ARMC6: variants seen among roughly 807,000 people sequenced by gnomAD.
ARMC6 encodes the protein armadillo repeat containing 6.
A neutral mutation model predicts 49.2 loss-of-function variants in ARMC6; 43 were observed. The observed-to-expected ratio is 0.87, with a 90% CI of 0.69 to 1.13. The LOEUF is 1.13. Ranked by LOEUF, ARMC6 falls within the 50% of genes most tolerant of loss-of-function variation. ARMC6 has a pLI of 0.00. For synonymous variants in ARMC6, 262 were observed against 289.6 expected (o/e 0.90, Z 0.97); for missense variants, 627 against 682.0 (o/e 0.92, Z 0.90).
chr19:19,036,470 C>A (rs565562038), intron 2 of ARMC6, among the ~76,000 whole-genome samples: 2 of 152,228 alleles, frequency 1.3e-5, no homozygotes, highest in Admixed American at 6.5e-5. Context: ...TGTCAATTTA[C>A]ATTGCCAGGG....
rs11270900 is a variant in ARMC6, at chr19:19,045,493, C to CTTTTT, written c.279+1426_279+1430dup. 5.9e-4 allele frequency among the ~76,000 whole-genome samples: 53 copies of CTTTTT among 89,128 alleles called. 16 individuals carry two copies. The East Asian group carries it at 0.014, about 23-fold the overall frequency. 58.5% of individuals were successfully genotyped at this position (89,128 alleles called of 152,430 possible). ...TAAGTGCTCAGCATTATGCTAAATT[C>CTTTTT]TTTTTTTTTTTGAGACAAGAGTCTC... is the stretch of plus-strand genomic sequence containing the variant. On this transcript the variant is annotated intron_variant, in intron 4 of 8. Transcript: ENST00000535612.
At chr19:19,050,513 G>T (rs1443220790) in intron 4 of ARMC6, among the ~76,000 whole-genome samples, 3 of 152,172 alleles carry the variant, frequency 2.0e-5, no homozygotes, top group Non-Finnish European at 4.4e-5. Flanking sequence ...ACCACGCCTG[G>T]CTTCTCTGTA....
chr19:19,057,681 G>A lies in ARMC6; in HGVS notation c.*53G>A, dbSNP rs750273186. On this transcript the variant is annotated 3_prime_UTR_variant, in exon 9 of 9. Transcript: ENST00000535612. ...TGGGTGAGTCGTGTGACTCAGGAAT[G>A]GGGGTAGATCCATGTCCTCCACTGT... is the stretch of plus-strand genomic sequence containing the variant. 2.2e-5 allele frequency: 34 copies of A among 1,547,212 alleles called. No homozygotes were observed. In the East Asian group the frequency reaches 7.2e-4, roughly 33 times the overall value.
chr19:19,050,403 A>T (rs2059486142), intron 4 of ARMC6, among the ~76,000 whole-genome samples: 1 of 152,136 alleles, frequency 6.6e-6, no homozygotes, highest in Admixed American at 6.6e-5. Flanking sequence ...CTTTTTTGAG[A>T]TGAATGCTCC....
At position 19,052,169 on chromosome 19, in the gene ARMC6, T is replaced by C. The variant is rs747198493; in HGVS notation, c.827T>C (p.Leu276Ser). 1 of 1,609,040 alleles carries C rather than the reference T, an allele frequency of 6.2e-7. No individual in the cohort carries two copies. The highest frequency in any genetic ancestry group is 2.2e-5 in the East Asian group (1 of 44,848). The part of the protein sequence containing the change: ...AKMIVQENKG[L>S]KVLIEATKAF... ...ATGATTGTGCAGGAGAACAAAGGCT[T>C]GAAGGTGCTCATCGAAGCCACCAAA... Residue 276 changes from leucine (L) to serine (S), a missense_variant, in exon 5 of 9, where the codon TTG becomes TCG. Physicochemically the swap from Leu to Ser is moderately radical, Grantham distance 145 (BLOSUM62 -2). Transcript: ENST00000535612.
intron 2 of ARMC6, chr19:19,039,334 A>T: frequency 2.2e-6 from 1 of 452,334 alleles, no homozygotes; most frequent in Middle Eastern, 3.3e-4. Flanking sequence ...ACGGGGCCTT[A>T]CTATGTTGTC....
chr19:19,055,510 G>T lies in ARMC6; in HGVS notation c.1155+114G>T. On this transcript the variant is annotated intron_variant, in intron 7 of 8. Transcript: ENST00000535612. This position sits in a 1 kb window ranked among gnomAD's most constrained non-coding sequence, Gnocchi z 5.7. The stretch of plus-strand genomic sequence containing the variant: ...GCAGGGCCAGGGCAGGGCTGGTGAG[G>T]GTCGTGGGCATTGGCTCTCAAATGC... 2 of 1,432,602 alleles carry T rather than the reference G, an allele frequency of 1.4e-6. No individual in the cohort carries two copies. Among genetic ancestry groups the T allele is most frequent in the African/African-American group, 1.4e-5 (1 of 69,792 alleles). 88.7% of individuals were successfully genotyped at this position (1,432,602 alleles called of 1,614,324 possible).
Position 19,055,046 on chromosome 19 carries a change from G to A in ARMC6, c.1024-219G>A, listed in dbSNP as rs982755564. Among the ~76,000 whole-genome samples, 2 of 152,174 alleles carry A rather than the reference G, an allele frequency of 1.3e-5. No homozygotes were observed. The highest frequency in any genetic ancestry group is 2.1e-4 in the South Asian group (1 of 4,828). ...AGGCCGGCCTGAGTCACATGCCCCC[G>A]CTGCCCCTGTCGGGGTAGGGGATCA... On this transcript the variant is annotated intron_variant, in intron 6 of 8. Transcript: ENST00000535612. The surrounding 1 kb of genome is among the most constrained non-coding windows in gnomAD (Gnocchi z 5.7).
chr19:19,052,965 T>C (rs2059511507), intron 5 of ARMC6, among the ~76,000 whole-genome samples: 1 of 152,168 alleles, frequency 6.6e-6, no homozygotes, highest in South Asian at 2.1e-4. Context: ...CCTGTTTTAT[T>C]TATAGGAGCT....
chr19:19,042,596 G>GT, intron 2 of ARMC6, 115 bp from the exon 3 acceptor site: 11 of 1,032,582 alleles, frequency 1.1e-5, no homozygotes, highest in Non-Finnish European at 1.6e-5. Context: ...CTCCAGGGTG[G>GT]TTGTAGGGCT....
intron 2 of ARMC6, among the ~76,000 whole-genome samples, chr19:19,038,033 G>C (rs1430858826): frequency 2.0e-5 from 3 of 152,160 alleles, no homozygotes; most frequent in African/African-American, 7.2e-5. Flanking sequence ...CCTCCTGTCA[G>C]ATCAGCAGCA....
intron 4 of ARMC6, among the ~76,000 whole-genome samples, chr19:19,044,894 C>G (rs2145857419): frequency 6.6e-6 from 1 of 152,330 alleles, no homozygotes; most frequent in East Asian, 1.9e-4. Context: ...TTACTTCTCC[C>G]TACCTCGGGG....
At chr19:19,046,133 A>G (rs1224598921) in intron 4 of ARMC6, among the ~76,000 whole-genome samples, 1 of 152,180 alleles carries the variant, frequency 6.6e-6, no homozygotes, top group Non-Finnish European at 1.5e-5. Context: ...TTCTACCAGC[A>G]GTACAGGAAA....
intron 4 of ARMC6, among the ~76,000 whole-genome samples, chr19:19,049,587 A>T (rs2059479890): frequency 1.3e-5 from 2 of 152,230 alleles, no homozygotes; most frequent in African/African-American, 4.8e-5. Flanking sequence ...CATTAAGTAC[A>T]TTCATAATGT....
intron 4 of ARMC6, among the ~76,000 whole-genome samples, chr19:19,051,407 G>GTT (rs2059495680): frequency 6.7e-6 from 1 of 148,448 alleles, no homozygotes; most frequent in African/African-American, 2.4e-5. Flanking sequence ...GTGTGTGTGT[G>GTT]TGTGTGTGTC....
chr19:19,055,298 G>C lies in ARMC6; in HGVS notation c.1057G>C (p.Ala353Pro). The change falls in exon 7 of 9, where the codon GCC (alanine) becomes CCC (proline). Residue 353 changes from alanine (A) to proline (P), a missense_variant. Ala to Pro is a conservative substitution (Grantham distance 27, BLOSUM62 -1). Coordinates refer to ENST00000535612, the MANE Select transcript of ARMC6 (RefSeq NM_001199196.2). The surrounding 1 kb of genome is among the most constrained non-coding windows in gnomAD (Gnocchi z 5.7). ...LVKQVLSTLR[A>P]IAGNDDVKDA... ...GAAGCAAGTGCTGAGCACCCTGCGAGCCATCGCAGGCAACGACGACGTGAA... is the reference window on the plus strand; with the variant it reads ...GAAGCAAGTGCTGAGCACCCTGCGACCCATCGCAGGCAACGACGACGTGAA... 6.2e-7 allele frequency: 1 copy of C among 1,612,072 alleles called. No homozygotes were observed. The highest frequency in any genetic ancestry group is 8.5e-7 in the Non-Finnish European group (1 of 1,178,902).
intron 4 of ARMC6, among the ~76,000 whole-genome samples, chr19:19,044,506 G>A (rs554638529): frequency 6.6e-6 from 1 of 152,376 alleles, no homozygotes; most frequent in East Asian, 1.9e-4. Context: ...AGTGAAGTAG[G>A]TGGTGTCATT....
At position 19,057,655 on chromosome 19, in the gene ARMC6, CTG is replaced by C; in HGVS notation, c.*28_*29del. 1 of 1,604,522 alleles carries C rather than the reference CTG, an allele frequency of 6.2e-7. No homozygotes were observed. Among genetic ancestry groups the C allele is most frequent in the South Asian group, 1.1e-5 (1 of 90,994 alleles). On this transcript the variant is annotated 3_prime_UTR_variant, in exon 9 of 9. Transcript: ENST00000535612. Reference sequence around the variant, plus strand: ...CCCAGGCCCAGTCTGGGCCGTGACTCTGGGTGAGTCGTGTGACTCAGGAATGG... The same window carrying C: ...CCCAGGCCCAGTCTGGGCCGTGACTCGGTGAGTCGTGTGACTCAGGAATGG...
intron 5 of ARMC6, among the ~76,000 whole-genome samples, chr19:19,053,201 A>C (rs891523071): frequency 6.6e-6 from 1 of 152,210 alleles, no homozygotes; most frequent in African/African-American, 2.4e-5. Flanking sequence ...ACTTAAAGGC[A>C]ACTGGGCTGG....
Sources: gnomAD v4.1 joint callset for allele counts (sites outside exome capture counted in the v4.1 genomes callset) on GRCh38, gnomAD v4.1.1 for gene constraint, Gnocchi (gnomAD v3.1) non-coding constraint, MANE v1.5 for transcripts, NCBI Gene and HGNC (gene_info 2026-07-23, HGNC 2026-07-21) for gene names.